The following SLC30A8 variants were observed in gnomAD, a reference collection of about 807,000 sequenced individuals.
The protein encoded by SLC30A8 is proton-coupled zinc antiporter SLC30A8.
In SLC30A8, 27 loss-of-function variants were observed where a neutral mutation model predicts 36.9. That is an observed-to-expected ratio of 0.73 (90% CI 0.54 to 1.01). The LOEUF is 1.01. Among genes scored for constraint, SLC30A8 ranks in the 50% least tolerant of loss-of-function variants. The pLI is 0.00. For synonymous variants in SLC30A8, 164 were observed against 172.4 expected (o/e 0.95, Z 0.38); for missense variants, 439 against 452.0 (o/e 0.97, Z 0.26).
chr8:117,129,936 C>T (rs909673336), intron 2 of SLC30A8: 1 of 151,952 alleles, frequency 6.6e-6, no homozygotes, highest in Non-Finnish European at 1.5e-5. Flanking sequence ...ATGGAAGCTC[C>T]TGTCATCTGC....
intron 1 of SLC30A8, among the ~76,000 whole-genome samples, chr8:116,957,608 C>G (rs1222235766): frequency 6.6e-6 from 1 of 152,164 alleles, no homozygotes; most frequent in African/African-American, 2.4e-5. Context: ...CAGTCAGCCC[C>G]TTCCCCCTGC....
intron 2 of SLC30A8, among the ~76,000 whole-genome samples, chr8:117,087,913 G>C (rs188665474): frequency 3.9e-5 from 6 of 152,092 alleles, no homozygotes; most frequent in African/African-American, 1.4e-4. Context: ...TACCCTGAAG[G>C]GGAGATGGGG....
intron 1 of SLC30A8, among the ~76,000 whole-genome samples, chr8:117,036,269 G>C (rs1156601330): frequency 6.6e-6 from 1 of 152,022 alleles, no homozygotes; most frequent in Non-Finnish European, 1.5e-5. Flanking sequence ...CAGCATTTTG[G>C]TCAAAACCAT....
upstream of SLC30A8, among the ~76,000 whole-genome samples, chr8:117,130,587 A>G (rs1273929779): frequency 6.6e-6 from 1 of 151,984 alleles, no homozygotes; most frequent in Non-Finnish European, 1.5e-5. Flanking sequence ...CTGTGCATTT[A>G]TAGACCAAGG....
chr8:117,080,301 A>G (rs1278993381), intron 2 of SLC30A8, among the ~76,000 whole-genome samples: 1 of 152,148 alleles, frequency 6.6e-6, no homozygotes, highest in Non-Finnish European at 1.5e-5. Context: ...CATTTGGCGC[A>G]TACCTTTTAT....
chr8:117,060,646 C>T (rs1818000561), intron 2 of SLC30A8, among the ~76,000 whole-genome samples: 1 of 152,172 alleles, frequency 6.6e-6, no homozygotes, highest in Non-Finnish European at 1.5e-5. Context: ...TTCCCTACTC[C>T]AGAGACAATT....
At chr8:116,996,117 C>G (rs926752145) in intron 1 of SLC30A8, among the ~76,000 whole-genome samples, 6 of 152,194 alleles carry the variant, frequency 3.9e-5, no homozygotes, top group African/African-American at 1.4e-4. Context: ...AATTCCTTTA[C>G]CATCCACACC....
chr8:117,143,195 G>A (rs1372652351), intron 1 of SLC30A8, among the ~76,000 whole-genome samples: 1 of 152,106 alleles, frequency 6.6e-6, no homozygotes, highest in Non-Finnish European at 1.5e-5. Flanking sequence ...CTCCAAGATT[G>A]CAAAAATAAA....
chr8:117,046,931 CA>C (rs139062094), intron 2 of SLC30A8, among the ~76,000 whole-genome samples: 3,081 of 152,174 alleles, frequency 0.02, 66 homozygotes, highest in African/African-American at 0.053. Context: ...TAATAAATTC[CA>C]AAGAGAAGAA....
rs189481240 is a variant in SLC30A8, at chr8:116,958,540, T to C, written c.-266+7421T>C. On this transcript the variant is annotated intron_variant, in intron 1 of 10. Transcript: ENST00000427715. ...GCATCATTTCCAGTGAGAATTCTAC[T>C]GTCATTTTTATCTTTGTTCCTCTGT... Among the ~76,000 whole-genome samples, 20 of 152,268 alleles carry C rather than the reference T, an allele frequency of 1.3e-4. No homozygotes were observed. In the South Asian group the frequency reaches 4.1e-3, roughly 32 times the overall value.
At chr8:117,008,883 A>T (rs1442220658) in intron 1 of SLC30A8, among the ~76,000 whole-genome samples, 1 of 152,148 alleles carries the variant, frequency 6.6e-6, no homozygotes, top group African/African-American at 2.4e-5. Flanking sequence ...TTTAGGGTAG[A>T]TGACTGTTAT....
At chr8:117,138,060 C>CAAAAAAAAA (rs60065374) in intron 1 of SLC30A8, among the ~76,000 whole-genome samples, 1 of 49,964 alleles carries the variant, frequency 2.0e-5, no homozygotes, top group African/African-American at 7.0e-5. Flanking sequence ...TTCATTGTAG[C>CAAAAAAAAA]AAAAAAAAAA....
Position 116,988,766 on chromosome 8 carries a change from T to A in SLC30A8, c.-266+37647T>A, listed in dbSNP as rs191965813. On this transcript the variant is annotated intron_variant, in intron 1 of 10. Coordinates refer to the SLC30A8 transcript ENST00000427715. ...TGGCATATACTTAAAATTTGATAAG[T>A]ATTTTTAGACCAGCTGGATAAACTA... 3.3e-5 allele frequency among the ~76,000 whole-genome samples: 5 copies of A among 152,336 alleles called. No individual in the cohort carries two copies. The East Asian group carries it at 9.6e-4, about 29-fold the overall frequency.
At chr8:117,091,151 A>G (rs1286869221) in intron 2 of SLC30A8, among the ~76,000 whole-genome samples, 1 of 152,142 alleles carries the variant, frequency 6.6e-6, no homozygotes, top group Non-Finnish European at 1.5e-5. Context: ...AAATCTTTCT[A>G]GAATCTCTTG....
chr8:117,099,641 G>A (rs1819622438), intron 2 of SLC30A8, among the ~76,000 whole-genome samples: 1 of 152,142 alleles, frequency 6.6e-6, no homozygotes, highest in Non-Finnish European at 1.5e-5. Flanking sequence ...GGGCCTGTAG[G>A]AGAGCCACTA....
intron 6 of SLC30A8, among the ~76,000 whole-genome samples, chr8:117,167,480 C>CATATATAT (rs370309015): frequency 1.7e-5 from 2 of 120,944 alleles, no homozygotes; most frequent in African/African-American, 2.8e-5. Flanking sequence ...TGTGCATTTG[C>CATATATAT]ATATATATAT....
intron 2 of SLC30A8, among the ~76,000 whole-genome samples, chr8:117,099,556 A>G (rs560564759): frequency 6.6e-6 from 1 of 152,210 alleles, no homozygotes; most frequent in Non-Finnish European, 1.5e-5. Context: ...TCAACCAAAA[A>G]GAAAGAAAAT....
At chr8:117,019,211 C>T (rs1357550104) in intron 1 of SLC30A8, among the ~76,000 whole-genome samples, 4 of 152,144 alleles carry the variant, frequency 2.6e-5, no homozygotes, top group African/African-American at 9.7e-5. Flanking sequence ...CCTGAGTATT[C>T]AGCACAAGGC....
Position 117,173,224 on chromosome 8 carries a change from A to G in SLC30A8, c.*543A>G, listed in dbSNP as rs1823484301. On this transcript the variant is annotated 3_prime_UTR_variant, in exon 8 of 8. Transcript: ENST00000456015. ...CTCTGAATTGGAAATATGTATGAAT[A>G]TACAGAGAAGTGCTTACAACTAATT... 1 of 152,514 alleles carries G rather than the reference A, an allele frequency of 6.6e-6. No homozygotes were observed. The highest frequency in any genetic ancestry group is 2.1e-4 in the South Asian group (1 of 4,850). 9.4% of individuals were successfully genotyped at this position (152,514 alleles called of 1,614,324 possible). A position where few individuals can be genotyped will look rare whatever the true frequency, so the allele number is the denominator to read the frequency against.
Sources: gnomAD v4.1 joint callset for allele counts (sites outside exome capture counted in the v4.1 genomes callset) on GRCh38, gnomAD v4.1.1 for gene constraint, MANE v1.5 for transcripts, NCBI Gene and HGNC (gene_info 2026-07-23, HGNC 2026-07-21) for gene names.